NLRP14: variants seen among roughly 807,000 people sequenced by gnomAD.
The protein encoded by NLRP14 is NLR family pyrin domain containing 14.
Under a neutral mutation model 94.7 loss-of-function variants are expected in NLRP14, and 105 were observed. The ratio of observed to expected loss-of-function variants is 1.11; its 90% CI spans 0.95 to 1.30. NLRP14 has a LOEUF of 1.30. Among genes scored for constraint, NLRP14 ranks in the 50% most tolerant of loss-of-function variants. NLRP14 has a pLI of 0.00. For missense variants in NLRP14, 1,362 were observed against 1,254.1 expected (o/e 1.09, Z -1.30); for synonymous variants, 508 against 459.9 (o/e 1.10, Z -1.34).
chr11:7,025,953 C>T (rs551509255), intron 1 of NLRP14, among the ~76,000 whole-genome samples: 1 of 152,220 alleles, frequency 6.6e-6, no homozygotes, highest in Admixed American at 6.5e-5. Context: ...ATCTGAATTT[C>T]AAAGGTATAT....
At position 7,043,481 on chromosome 11, in the gene NLRP14, G is replaced by T; in HGVS notation, c.1455G>T (p.Glu485Asp). 3.7e-6 allele frequency: 6 copies of T among 1,614,176 alleles called. No individual in the cohort carries two copies. Among genetic ancestry groups the T allele is most frequent in the Non-Finnish European group, 5.1e-6 (6 of 1,180,028 alleles). ...TGTTCACCCACCTTCATGTTCAGGA[G>T]TTTTTTGCAGCTATGTTCTATATGT... ...CYVFTHLHVQEFFAAMFYMLK... is the reference protein window; with the variant it reads ...CYVFTHLHVQDFFAAMFYMLK... The change falls in exon 4 of 12, where the codon GAG becomes GAT. Residue 485 changes from glutamate (E) to aspartate (D), a missense_variant. Physicochemically the swap from Glu to Asp is conservative, Grantham distance 45. Transcript: ENST00000299481.
At chr11:7,054,678 C>T (rs1852494462) in intron 6 of NLRP14, among the ~76,000 whole-genome samples, 1 of 152,074 alleles carries the variant, frequency 6.6e-6, no homozygotes, top group African/African-American at 2.4e-5. Context: ...GTTTGAACTC[C>T]TTATGTAATA....
Position 7,049,820 on chromosome 11 carries a change from G to A in NLRP14, c.2273G>A (p.Cys758Tyr), listed in dbSNP as rs1281811013. The change falls in exon 6 of 12, where the codon TGT (cysteine) becomes TAT (tyrosine). Residue 758 changes from cysteine (C) to tyrosine (Y), a missense_variant. By Grantham distance (194) the Cys-to-Tyr change is radical (BLOSUM62 -2). Coordinates refer to ENST00000299481, the MANE Select transcript of NLRP14 (RefSeq NM_176822.4). ...TGTGAGGCCTTGAAACACCCAGAGT[G>A]TAAACTACAGACTCTCAGGTAAGCT... ...SLCEALKHPE[C>Y]KLQTLRLESC... 6 of 1,612,388 alleles carry A rather than the reference G, an allele frequency of 3.7e-6. No individual in the cohort carries two copies. Among genetic ancestry groups the A allele is most frequent in the Non-Finnish European group, 4.2e-6 (5 of 1,178,502 alleles).
At chr11:7,030,290 C>T (rs1404691111) in intron 1 of NLRP14, among the ~76,000 whole-genome samples, 2 of 152,194 alleles carry the variant, frequency 1.3e-5, no homozygotes, top group Admixed American at 1.3e-4. Context: ...TGAAATTGCA[C>T]TATCCATAAA....
At chr11:7,047,462 C>G (rs193288718) in intron 5 of NLRP14, among the ~76,000 whole-genome samples, 7 of 152,106 alleles carry the variant, frequency 4.6e-5, no homozygotes, top group Admixed American at 3.3e-4. Flanking sequence ...TACCACCATG[C>G]CAGGCTATTT....
chr11:7,054,807 C>T (rs1852495994), intron 6 of NLRP14, among the ~76,000 whole-genome samples: 2 of 151,980 alleles, frequency 1.3e-5, no homozygotes, highest in African/African-American at 4.8e-5. Flanking sequence ...TTTTAACTTG[C>T]TATGATCCCA....
rs1315026965 is a variant in NLRP14 at position 7,071,175 on chromosome 11, T to C, written c.3149T>C (p.Leu1050Ser). ...SPKCKLQVLG[L>S]CKEAFDEEAQ... is the part of the protein sequence containing the mutation. ...GAGATGTTCCCTTGTTTTCTCAGGT[T>C]GTGCAAAGAGGCATTTGATGAGGAA... The change falls in exon 12 of 12, where the codon TTG becomes TCG. Residue 1050 changes from leucine (L) to serine (S), a missense_variant and splice_region_variant. Physicochemically the swap from Leu to Ser is moderately radical, Grantham distance 145. Coordinates refer to ENST00000299481, the MANE Select transcript of NLRP14 (RefSeq NM_176822.4). The C allele has an allele frequency of 6.2e-7, 1 of 1,613,888 alleles. No individual in the cohort carries two copies. The highest frequency in any genetic ancestry group is 8.5e-7 in the Non-Finnish European group (1 of 1,179,996).
intron 1 of NLRP14, among the ~76,000 whole-genome samples, chr11:7,027,885 T>C (rs551058535): frequency 6.6e-6 from 1 of 152,322 alleles, no homozygotes; most frequent in Middle Eastern, 3.4e-3. Flanking sequence ...AAACATTTTC[T>C]TCACTTGGAG....
chr11:7,057,656 C>CT (rs1852536944), intron 6 of NLRP14, 21 bp from the exon 7 acceptor site: 1 of 1,609,318 alleles, frequency 6.2e-7, no homozygotes, highest in African/African-American at 1.3e-5. Context: ...GTCATTCCTG[C>CT]TTTTCTGTGT....
rs199522116 is a variant in NLRP14 at position 7,062,491 on chromosome 11, T to C, written c.2963T>C (p.Ile988Thr). Residue 988 changes from isoleucine (I) to threonine (T), a missense_variant, in exon 10 of 12, where the codon ATT becomes ACT. Coordinates refer to ENST00000299481, the MANE Select transcript of NLRP14 (RefSeq NM_176822.4). ...GCTTTGAGATATCCAAACTGTAACA[T>C]TCAGAGGCTCGGGTGAGTTCATAGT... is the stretch of plus-strand genomic sequence containing the variant. ...CDALRYPNCN[I>T]QRLGLEYCGL... 43 of 1,612,818 alleles carry C rather than the reference T, an allele frequency of 2.7e-5. No individual in the cohort carries two copies. In the East Asian group the frequency reaches 9.6e-4, roughly 36 times the overall value.
intron 1 of NLRP14, among the ~76,000 whole-genome samples, chr11:7,036,434 G>A (rs938750966): frequency 3.3e-5 from 5 of 152,090 alleles, no homozygotes; most frequent in African/African-American, 1.2e-4. Context: ...ATAGATCTCG[G>A]CTCAAAGGGA....
intron 1 of NLRP14, among the ~76,000 whole-genome samples, chr11:7,025,799 T>C (rs1852006712): frequency 2.0e-5 from 2 of 102,160 alleles, no homozygotes; most frequent in Non-Finnish European, 4.3e-5. Flanking sequence ...TCAAACCTGC[T>C]AAATACATGG....
At chr11:7,056,394 T>G (rs1852515071) in intron 6 of NLRP14, among the ~76,000 whole-genome samples, 1 of 151,652 alleles carries the variant, frequency 6.6e-6, no homozygotes, top group Admixed American at 6.6e-5. Flanking sequence ...ATTTTCTGAT[T>G]TGTAATGATC....
At chr11:7,033,181 C>T (rs761838954) in intron 1 of NLRP14, among the ~76,000 whole-genome samples, 2 of 152,296 alleles carry the variant, frequency 1.3e-5, no homozygotes, top group Middle Eastern at 3.4e-3. Flanking sequence ...TGGATCTTTT[C>T]AAGTGCTTAG....
intron 1 of NLRP14, among the ~76,000 whole-genome samples, chr11:7,029,788 C>G (rs1397709029): frequency 4.6e-5 from 7 of 152,268 alleles, no homozygotes; most frequent in Non-Finnish European, 8.8e-5. Context: ...AAAGAGTTTA[C>G]CTTTTCTCTC....
chr11:7,056,869 G>A (rs1452039942), intron 6 of NLRP14, among the ~76,000 whole-genome samples: 1 of 152,006 alleles, frequency 6.6e-6, no homozygotes, highest in Non-Finnish European at 1.5e-5. Context: ...TTCAGCCTTA[G>A]GCCATGTTCT....
intron 10 of NLRP14, among the ~76,000 whole-genome samples, chr11:7,067,651 G>A (rs1852724543): frequency 6.6e-6 from 1 of 152,040 alleles, no homozygotes; most frequent in Non-Finnish European, 1.5e-5. Context: ...GCATTTTTTG[G>A]AGTAAAACCA....
At chr11:7,086,521 A>G in the NLRP14 span, among the ~76,000 whole-genome samples, 2 of 152,244 alleles carry the variant, frequency 1.3e-5, no homozygotes, top group African/African-American at 4.8e-5. Flanking sequence ...TATAATTAAT[A>G]TTGCTTAAAG....
the NLRP14 span, among the ~76,000 whole-genome samples, chr11:7,077,202 A>G: frequency 7.2e-5 from 11 of 152,354 alleles, no homozygotes; most frequent in South Asian, 4.1e-4. Context: ...TCCCTGAGCC[A>G]GACGCCCTCG....
Sources: allele counts gnomAD v4.1 joint callset (sites outside exome capture counted in the v4.1 genomes callset), GRCh38; gene constraint gnomAD v4.1.1; transcripts MANE v1.5; gene names NCBI Gene and HGNC (gene_info 2026-07-23, HGNC 2026-07-21).